ADGRB3: variants seen among roughly 807,000 people sequenced by gnomAD.
ADGRB3 encodes adhesion G protein-coupled receptor B3, also known as brain-specific angiogenesis inhibitor 3.
Under a neutral mutation model 193.4 loss-of-function variants are expected in ADGRB3, and 37 were observed. That is an observed-to-expected ratio of 0.19 (90% CI 0.15 to 0.25). The LOEUF (loss-of-function observed/expected upper bound fraction) is 0.25. ADGRB3 is among the 10% of genes least tolerant of loss of function. The pLI, the probability that ADGRB3 is intolerant of heterozygous loss-of-function variation, is 1.00. For missense variants in ADGRB3, 1,637 were observed against 1,852.9 expected (o/e 0.88, Z 2.14); for synonymous variants, 690 against 644.2 (o/e 1.07, Z -1.08).
intron 20 of ADGRB3, among the ~76,000 whole-genome samples, chr6:69,257,380 A>C (rs911710072): frequency 1.7e-4 from 26 of 152,054 alleles, no homozygotes; most frequent in Admixed American, 7.2e-4. Flanking sequence ...ACAATTTCAG[A>C]GCCTGTTATT....
At chr6:69,180,285 A>C (rs1775544268) in intron 17 of ADGRB3, among the ~76,000 whole-genome samples, 1 of 152,224 alleles carries the variant, frequency 6.6e-6, no homozygotes, top group Non-Finnish European at 1.5e-5. Context: ...TTGGGCAAAC[A>C]GGTGCTTTGA....
chr6:69,162,541 A>G lies in ADGRB3; in HGVS notation c.2481-70749A>G, dbSNP rs77108525. ...GTAGGCAACTGGTGGTCCTAAATACATAAGTACAAACATTCAAATGCCTTT... is the reference window on the plus strand; with the variant it reads ...GTAGGCAACTGGTGGTCCTAAATACGTAAGTACAAACATTCAAATGCCTTT... On this transcript the variant is annotated intron_variant, in intron 17 of 31. Transcript: ENST00000370598. Among the ~76,000 whole-genome samples, 693 of 152,234 alleles carry G rather than the reference A, an allele frequency of 4.6e-3. 6 individuals carry two copies. Among genetic ancestry groups the G allele is most frequent in the African/African-American group, 0.015 (636 of 41,550 alleles).
intron 17 of ADGRB3, among the ~76,000 whole-genome samples, chr6:69,091,522 A>G (rs1235213527): frequency 6.6e-6 from 1 of 152,208 alleles, no homozygotes; most frequent in Non-Finnish European, 1.5e-5. Context: ...CATTATCCTG[A>G]GCAAACTAAC....
At chr6:69,093,305 TG>T (rs1474155812) in intron 17 of ADGRB3, among the ~76,000 whole-genome samples, 1 of 145,550 alleles carries the variant, frequency 6.9e-6, no homozygotes, top group African/African-American at 2.6e-5. Context: ...GGGAAAGGGA[TG>T]GGGTGGGCAT....
intron 26 of ADGRB3, among the ~76,000 whole-genome samples, chr6:69,352,823 C>G (rs1769255763): frequency 6.6e-6 from 1 of 152,180 alleles, no homozygotes; most frequent in Non-Finnish European, 1.5e-5. Flanking sequence ...GAATATCTCA[C>G]ATCAAAATGG....
At chr6:68,783,111 A>G (rs556719147) in intron 3 of ADGRB3, among the ~76,000 whole-genome samples, 3 of 151,806 alleles carry the variant, frequency 2.0e-5, no homozygotes, top group African/African-American at 7.2e-5. Context: ...TTGTTTAAAT[A>G]TAGTTTATTA....
intron 6 of ADGRB3, among the ~76,000 whole-genome samples, chr6:68,946,452 A>G (rs1197668277): frequency 2.0e-5 from 3 of 152,134 alleles, no homozygotes; most frequent in Non-Finnish European, 4.4e-5. Context: ...GCAAAGTTGA[A>G]TGCACTTCTG....
intron 8 of ADGRB3, among the ~76,000 whole-genome samples, chr6:68,969,455 T>G (rs1582358454): frequency 3.3e-5 from 5 of 152,204 alleles, no homozygotes; most frequent in Admixed American, 3.3e-4. Flanking sequence ...ACAGCCCTTA[T>G]GAGCAGGGCC....
intron 17 of ADGRB3, among the ~76,000 whole-genome samples, chr6:69,210,665 A>G (rs1374364515): frequency 6.6e-6 from 1 of 152,082 alleles, no homozygotes; most frequent in Non-Finnish European, 1.5e-5. Flanking sequence ...ATGCAGACAT[A>G]AGCCATCACA....
chr6:69,144,263 G>C (rs528997405), intron 17 of ADGRB3, among the ~76,000 whole-genome samples: 1 of 152,220 alleles, frequency 6.6e-6, no homozygotes, highest in African/African-American at 2.4e-5. Flanking sequence ...TCCTGAAACT[G>C]AATCCTGAAT....
chr6:69,147,898 C>T (rs867700350), intron 17 of ADGRB3, among the ~76,000 whole-genome samples: 2 of 151,948 alleles, frequency 1.3e-5, no homozygotes, highest in Non-Finnish European at 2.9e-5. Context: ...ATATAATGAC[C>T]TTCTTTGTCT....
intron 3 of ADGRB3, among the ~76,000 whole-genome samples, chr6:68,841,171 A>C (rs1480815692): frequency 3.3e-5 from 5 of 152,142 alleles, no homozygotes; most frequent in Admixed American, 3.3e-4. Flanking sequence ...TCAACAACAC[A>C]TTTTCAGTTT....
intron 8 of ADGRB3, among the ~76,000 whole-genome samples, chr6:68,967,076 C>T (rs1324638190): frequency 6.6e-6 from 1 of 152,158 alleles, no homozygotes. Flanking sequence ...GCTGAAAACC[C>T]TGGACCAGTT....
Position 68,800,713 on chromosome 6 carries a change from G to T in ADGRB3, c.758-129846G>T, listed in dbSNP as rs371207149. 3.3e-5 allele frequency among the ~76,000 whole-genome samples: 5 copies of T among 151,042 alleles called. No individual in the cohort carries two copies. In the East Asian group the frequency reaches 5.9e-4, roughly 18 times the overall value. ...TAGGCTAAGTATTGAGATTTTTCTG[G>T]GTTTTAAAAATTAACAGCATTCTGC... On this transcript the variant is annotated intron_variant, in intron 3 of 31. Transcript: ENST00000370598.
chr6:69,049,759 T>C (rs1235393034), intron 15 of ADGRB3, among the ~76,000 whole-genome samples: 1 of 152,180 alleles, frequency 6.6e-6, no homozygotes, highest in Non-Finnish European at 1.5e-5. Flanking sequence ...AACATGGTAT[T>C]GTTTATTTGC....
intron 31 of ADGRB3, among the ~76,000 whole-genome samples, chr6:69,383,727 A>G (rs1770001932): frequency 6.6e-6 from 1 of 152,020 alleles, no homozygotes; most frequent in African/African-American, 2.4e-5. Flanking sequence ...TTCCGTCATT[A>G]CAACACTTTC....
At chr6:69,088,855 T>C in intron 17 of ADGRB3, among the ~76,000 whole-genome samples, 1 of 152,220 alleles carries the variant, frequency 6.6e-6, no homozygotes, top group East Asian at 1.9e-4. Context: ...AGAATAATAA[T>C]GTGCTAAGCT....
chr6:68,769,149 G>A (rs151165619), intron 3 of ADGRB3, among the ~76,000 whole-genome samples: 3,067 of 152,278 alleles, frequency 0.02, 32 homozygotes, highest in Middle Eastern at 0.031. Flanking sequence ...CAAGGATCTA[G>A]AACCAGAAAT....
chr6:69,164,133 G>A (rs1053297651), intron 17 of ADGRB3, among the ~76,000 whole-genome samples: 31 of 151,868 alleles, frequency 2.0e-4, no homozygotes, highest in Admixed American at 1.8e-3. Flanking sequence ...TCCTCTGTTC[G>A]CATAACTGCT....
Sources: gnomAD v4.1 joint callset for allele counts (sites outside exome capture counted in the v4.1 genomes callset) on GRCh38, gnomAD v4.1.1 for gene constraint, MANE v1.5 for transcripts, NCBI Gene and HGNC (gene_info 2026-07-23, HGNC 2026-07-21) for gene names.